NSD1: variants seen among roughly 807,000 people sequenced by gnomAD.
The protein encoded by NSD1 is histone-lysine N-methyltransferase, H3 lysine-36 specific.
NSD1 carries 26 observed loss-of-function variants against 242.7 expected under a neutral mutation model. That is an observed-to-expected ratio of 0.11 (90% CI 0.08 to 0.15). The LOEUF is 0.15. Among genes scored for constraint, NSD1 ranks in the 10% least tolerant of loss-of-function variants. The pLI, the probability that NSD1 is intolerant of heterozygous loss-of-function variation, is 1.00. For synonymous variants in NSD1, 1,106 were observed against 1,178.1 expected (o/e 0.94, Z 1.25); for missense variants, 2,495 against 3,272.8 (o/e 0.76, Z 5.80).
intron 2 of NSD1, among the ~76,000 whole-genome samples, chr5:177,150,261 G>A (rs1000502493): frequency 2.6e-5 from 4 of 152,006 alleles, no homozygotes; most frequent in East Asian, 1.9e-4. Context: ...AGCCTCCTGT[G>A]TAGCTGGGAT....
chr5:177,260,513 ATTGT>A (rs1210874601), intron 14 of NSD1, among the ~76,000 whole-genome samples: 1 of 151,388 alleles, frequency 6.6e-6, no homozygotes, highest in East Asian at 1.9e-4. Flanking sequence ...TGCCCGACTA[ATTGT>A]TTGTATTTTT....
At position 177,237,524 on chromosome 5, in the gene NSD1, A is replaced by G. The variant is rs545982483; in HGVS notation, c.3922-713A>G. ...ATATATATATAATGTAAATTTTATT[A>G]TTTTATCTTTTTTTTTTTTTTTTTT... is the stretch of plus-strand genomic sequence containing the variant. On this transcript the variant is annotated intron_variant, in intron 6 of 22. Coordinates refer to ENST00000439151, the MANE Select transcript of NSD1 (RefSeq NM_022455.5). Among the ~76,000 whole-genome samples the G allele has an allele frequency of 2.1e-3, 286 of 136,014 alleles. 1 individual carries two copies. The highest frequency in any genetic ancestry group is 7.6e-3 in the African/African-American group (275 of 36,264). The allele number at this position is 136,014 out of a possible 152,430, so 89.2% of individuals were successfully genotyped here. A position where few individuals can be genotyped will look rare whatever the true frequency, so the allele number is the denominator to read the frequency against.
At chr5:177,139,536 T>C (rs550510915) in intron 2 of NSD1, among the ~76,000 whole-genome samples, 6 of 152,244 alleles carry the variant, frequency 3.9e-5, no homozygotes, top group African/African-American at 1.2e-4. Flanking sequence ...AACTTTTCTA[T>C]GTAGTCATGT....
intron 2 of NSD1, among the ~76,000 whole-genome samples, chr5:177,163,265 C>T (rs1217597808): frequency 1.3e-5 from 2 of 151,800 alleles, no homozygotes; most frequent in Non-Finnish European, 2.9e-5. Context: ...GCCTCAGCCT[C>T]CCGAGTAGCT....
chr5:177,236,895 T>C (rs1257883617), intron 6 of NSD1, among the ~76,000 whole-genome samples: 1 of 152,244 alleles, frequency 6.6e-6, no homozygotes, highest in African/African-American at 2.4e-5. Context: ...AGTGCAGAGA[T>C]GCACGAACAC....
chr5:177,191,800 T>C, intron 2 of NSD1, 84 bp from the exon 3 acceptor site: 2 of 1,458,880 alleles, frequency 1.4e-6, no homozygotes, highest in Non-Finnish European at 1.9e-6. Flanking sequence ...CATACATTGC[T>C]TTTTCAGAAG....
intron 2 of NSD1, among the ~76,000 whole-genome samples, chr5:177,144,848 G>C (rs960001342): frequency 9.2e-5 from 14 of 152,082 alleles, no homozygotes; most frequent in African/African-American, 2.4e-5. Context: ...TTGGGAGGCT[G>C]AGGGGGTGGA....
intron 2 of NSD1, among the ~76,000 whole-genome samples, chr5:177,173,842 C>T (rs545801901): frequency 6.6e-6 from 1 of 152,160 alleles, no homozygotes; most frequent in African/African-American, 2.4e-5. Context: ...ATTGATTGGT[C>T]TTCTGAGAAC....
At chr5:177,205,057 G>C (rs1762778730) in intron 4 of NSD1, among the ~76,000 whole-genome samples, 1 of 151,896 alleles carries the variant, frequency 6.6e-6, no homozygotes, top group African/African-American at 2.4e-5. Flanking sequence ...TGTTTTTGGA[G>C]ACAGAGTCTC....
intron 2 of NSD1, among the ~76,000 whole-genome samples, chr5:177,154,061 G>A (rs1176569352): frequency 1.3e-5 from 2 of 152,092 alleles, no homozygotes; most frequent in African/African-American, 4.8e-5. Flanking sequence ...TGCGGTCTCT[G>A]AAGGCTGTAG....
intron 14 of NSD1, among the ~76,000 whole-genome samples, chr5:177,263,750 AAAC>A (rs1757180006): frequency 6.6e-6 from 1 of 152,210 alleles, no homozygotes; most frequent in Admixed American, 6.5e-5. Context: ...AGTTACTGAT[AAAC>A]TATGGTTATT....
In NSD1 at chr5:177,299,346, C is replaced by G; in HGVS notation, c.*3887C>G. On this transcript the variant is annotated 3_prime_UTR_variant, in exon 23 of 23. Transcript: ENST00000439151. ...GGGAGAAGGAAGATCCTCAGTGAAG[C>G]CTGCACCCAACCCTGGAGTGGCCCA... 1 of 233,222 alleles carries G rather than the reference C, an allele frequency of 4.3e-6. No individual in the cohort carries two copies. The highest frequency in any genetic ancestry group is 8.5e-6 in the Non-Finnish European group (1 of 118,036). 14.4% of individuals were successfully genotyped at this position (233,222 alleles called of 1,614,324 possible). A position where few individuals can be genotyped will look rare whatever the true frequency, so the allele number is the denominator to read the frequency against.
intron 5 of NSD1, among the ~76,000 whole-genome samples, chr5:177,227,026 A>G (rs1321437096): frequency 6.6e-6 from 1 of 152,196 alleles, no homozygotes; most frequent in Non-Finnish European, 1.5e-5. Flanking sequence ...TACATGTACT[A>G]GAGGTATTCT....
chr5:177,241,609 G>A (rs768047199), intron 8 of NSD1, among the ~76,000 whole-genome samples: 2 of 151,968 alleles, frequency 1.3e-5, no homozygotes, highest in Non-Finnish European at 2.9e-5. Flanking sequence ...TCTTCGTCAC[G>A]GTTGAATTTT....
At chr5:177,230,439 A>T (rs1030060207) in intron 5 of NSD1, among the ~76,000 whole-genome samples, 1 of 152,106 alleles carries the variant, frequency 6.6e-6, no homozygotes, top group Non-Finnish European at 1.5e-5. Context: ...TGTGAGCTGC[A>T]AGGAAATAGA....
At chr5:177,282,176 CATCT>C (rs1326467048) in intron 18 of NSD1, among the ~76,000 whole-genome samples, 4 of 152,164 alleles carry the variant, frequency 2.6e-5, no homozygotes, top group Non-Finnish European at 5.9e-5. Flanking sequence ...ATTGGCCATC[CATCT>C]CTCTTTATAA....
At chr5:177,195,634 A>C (rs947436481) in intron 3 of NSD1, among the ~76,000 whole-genome samples, 1 of 152,014 alleles carries the variant, frequency 6.6e-6, no homozygotes, top group South Asian at 2.1e-4. Flanking sequence ...TGCCTGGCTT[A>C]GTTTTTAATT....
intron 19 of NSD1, 132 bp from the exon 20 acceptor site, chr5:177,283,655 C>T (rs1476795450): frequency 1.9e-6 from 2 of 1,051,552 alleles, no homozygotes; most frequent in African/African-American, 3.1e-5. Context: ...AACCAAAGTT[C>T]TTTGGGATCT....
chr5:177,173,855 TAGTC>T (rs1759941880), intron 2 of NSD1, among the ~76,000 whole-genome samples: 1 of 152,210 alleles, frequency 6.6e-6, no homozygotes, highest in Non-Finnish European at 1.5e-5. Context: ...CTGAGAACAA[TAGTC>T]ATTCATATGT....
Sources: allele counts gnomAD v4.1 joint callset (sites outside exome capture counted in the v4.1 genomes callset), GRCh38; gene constraint gnomAD v4.1.1; transcripts MANE v1.5; gene names NCBI Gene and HGNC (gene_info 2026-07-23, HGNC 2026-07-21).